The following CEP112 variants were observed in gnomAD, a reference collection of about 807,000 sequenced individuals.
CEP112 encodes centrosomal protein of 112 kDa.
CEP112 carries 127 observed loss-of-function variants against 153.0 expected under a neutral mutation model. The ratio of observed to expected loss-of-function variants is 0.83; its 90% CI spans 0.72 to 0.96. CEP112 has a LOEUF of 0.96. Among genes scored for constraint, CEP112 ranks in the 40% least tolerant of loss-of-function variants. CEP112 has a pLI of 0.00. For missense variants in CEP112, 1,089 were observed against 1,101.2 expected (o/e 0.99, Z 0.16); for synonymous variants, 358 against 374.4 (o/e 0.96, Z 0.51).
intron 21 of CEP112, among the ~76,000 whole-genome samples, chr17:65,831,987 CA>C (rs2057100996): frequency 6.6e-6 from 1 of 152,170 alleles, no homozygotes. Flanking sequence ...TCATACCAAA[CA>C]CACTGTTGTA....
chr17:65,984,110 T>C (rs917042090), intron 17 of CEP112, among the ~76,000 whole-genome samples: 8 of 152,226 alleles, frequency 5.3e-5, no homozygotes, highest in African/African-American at 1.4e-4. Flanking sequence ...GACAATTTTA[T>C]TGTGATTTTC....
intron 19 of CEP112, among the ~76,000 whole-genome samples, chr17:65,918,885 C>A (rs1267963321): frequency 1.3e-5 from 2 of 152,202 alleles, no homozygotes; most frequent in Non-Finnish European, 2.9e-5. Flanking sequence ...GTTTTCACTT[C>A]ATTACAGTTC....
intron 9 of CEP112, among the ~76,000 whole-genome samples, chr17:66,067,526 G>C (rs1412994010): frequency 6.6e-6 from 1 of 152,008 alleles, no homozygotes; most frequent in East Asian, 1.9e-4. Flanking sequence ...GAATTAGTAG[G>C]TATACATTAA....
Position 65,951,749 on chromosome 17 carries a change from C to CCCCCG in CEP112, c.1872+9713_1872+9714insCGGGG, listed in dbSNP as rs71160510. Among the ~76,000 whole-genome samples the CCCCCG allele has an allele frequency of 2.4e-4, 25 of 106,232 alleles. 3 individuals carry two copies. The highest frequency in any genetic ancestry group is 1.4e-3 in the South Asian group (4 of 2,760). 69.7% of individuals were successfully genotyped at this position (106,232 alleles called of 152,430 possible). A position where few individuals can be genotyped will look rare whatever the true frequency, so the allele number is the denominator to read the frequency against. On this transcript the variant is annotated intron_variant, in intron 18 of 26. Transcript: ENST00000535342. ...TCTGCTCTAATCTTCCCCCGCCCCC[C>CCCCCG]CCTTTCTTCCACTTGCTTAGAAGCT...
intron 12 of CEP112, among the ~76,000 whole-genome samples, chr17:66,051,931 T>C (rs1261196149): frequency 6.6e-6 from 1 of 152,242 alleles, no homozygotes; most frequent in Non-Finnish European, 1.5e-5. Flanking sequence ...TTAATACACC[T>C]AACCTACCAA....
intron 21 of CEP112, among the ~76,000 whole-genome samples, chr17:65,768,692 G>A (rs1468149741): frequency 6.6e-6 from 1 of 151,996 alleles, no homozygotes; most frequent in Non-Finnish European, 1.5e-5. Flanking sequence ...CAAACCACAT[G>A]ATCATATCAG....
chr17:65,760,771 AG>A (rs1436050205), intron 21 of CEP112, among the ~76,000 whole-genome samples: 5 of 152,114 alleles, frequency 3.3e-5, no homozygotes, highest in African/African-American at 1.2e-4. Context: ...AGGATGAGTT[AG>A]GAATTATTTC....
At chr17:65,982,705 C>A (rs909150652) in intron 17 of CEP112, among the ~76,000 whole-genome samples, 2 of 152,304 alleles carry the variant, frequency 1.3e-5, no homozygotes, top group South Asian at 4.2e-4. Context: ...CAATTCCACT[C>A]CTGGGTATAT....
At chr17:66,044,076 C>T (rs993083045) in intron 12 of CEP112, among the ~76,000 whole-genome samples, 7 of 152,084 alleles carry the variant, frequency 4.6e-5, no homozygotes, top group African/African-American at 1.7e-4. Context: ...GGTTTGAATG[C>T]TAATTTTTAA....
chr17:66,189,263 A>G lies in CEP112; in HGVS notation c.-9+2734T>C, dbSNP rs534673100. On this transcript the variant is annotated intron_variant, in intron 1 of 26. Coordinates refer to ENST00000535342, the MANE Select transcript of CEP112 (RefSeq NM_001199165.4). Reference sequence around the variant, plus strand: ...CACCTGTAATCCCAGCACGTTGGGAAGCTGAGGCAGGCGGATAACTTGAGG... The same window carrying G: ...CACCTGTAATCCCAGCACGTTGGGAGGCTGAGGCAGGCGGATAACTTGAGG... 5.3e-5 allele frequency among the ~76,000 whole-genome samples: 8 copies of G among 152,214 alleles called. No homozygotes were observed. The South Asian group carries it at 1.7e-3, about 32-fold the overall frequency.
chr17:65,728,987 A>T (rs940985107), intron 23 of CEP112, among the ~76,000 whole-genome samples: 3 of 152,186 alleles, frequency 2.0e-5, no homozygotes, highest in Non-Finnish European at 4.4e-5. Context: ...CTTAAAAAAA[A>T]ATTTAAACTT....
At chr17:65,841,256 C>T (rs2057505476) in intron 21 of CEP112, among the ~76,000 whole-genome samples, 1 of 151,952 alleles carries the variant, frequency 6.6e-6, no homozygotes, top group Non-Finnish European at 1.5e-5. Flanking sequence ...CATAAATGTA[C>T]ATCAGCAAAG....
chr17:66,149,594 G>T (rs2071076780), intron 4 of CEP112, among the ~76,000 whole-genome samples: 1 of 151,926 alleles, frequency 6.6e-6, no homozygotes, highest in African/African-American at 2.4e-5. Context: ...TTTCACCTAG[G>T]TTATCAAATA....
intron 19 of CEP112, among the ~76,000 whole-genome samples, chr17:65,924,121 C>T (rs565878830): frequency 5.9e-5 from 9 of 152,052 alleles, no homozygotes; most frequent in Admixed American, 6.6e-5. Flanking sequence ...GGACCACAGG[C>T]GCCCACCACC....
chr17:65,954,394 G>A lies in CEP112; in HGVS notation c.1872+7069C>T, dbSNP rs144600565. Among the ~76,000 whole-genome samples the A allele has an allele frequency of 9.6e-3, 1,461 of 152,148 alleles. 25 individuals are homozygous for A. Among genetic ancestry groups the A allele is most frequent in the African/African-American group, 0.033 (1,377 of 41,512 alleles). The stretch of plus-strand genomic sequence containing the variant: ...AACCCCAGATCTTCCCTCTGACATA[G>A]TCTACCCAAATAAGAAGGAACCAGA... On this transcript the variant is annotated intron_variant, in intron 18 of 26. Transcript: ENST00000535342.
chr17:65,835,869 A>G (rs1166436269), intron 21 of CEP112, among the ~76,000 whole-genome samples: 1 of 152,364 alleles, frequency 6.6e-6, no homozygotes, highest in East Asian at 1.9e-4. Context: ...TGTGTTCAGC[A>G]TGCAGACTAA....
At chr17:65,970,434 A>G (rs867308224) in intron 17 of CEP112, among the ~76,000 whole-genome samples, 5 of 46,758 alleles carry the variant, frequency 1.1e-4, no homozygotes, top group Admixed American at 4.0e-4. Context: ...ATGCATGCAC[A>G]CATCATGCAT....
chr17:65,948,927 C>T (rs1490979584), intron 18 of CEP112, among the ~76,000 whole-genome samples: 2 of 152,068 alleles, frequency 1.3e-5, no homozygotes, highest in Non-Finnish European at 2.9e-5. Context: ...AAAAAGATGC[C>T]CTACAGCTCT....
At chr17:65,887,598 A>G (rs1172532742) in intron 20 of CEP112, among the ~76,000 whole-genome samples, 1 of 152,184 alleles carries the variant, frequency 6.6e-6, no homozygotes, top group Non-Finnish European at 1.5e-5. Flanking sequence ...CTACAAGCAC[A>G]CCCATGGAAG....
Sources: allele counts gnomAD v4.1 joint callset (sites outside exome capture counted in the v4.1 genomes callset), GRCh38; gene constraint gnomAD v4.1.1; transcripts MANE v1.5; gene names NCBI Gene and HGNC (gene_info 2026-07-23, HGNC 2026-07-21).